Variants in ETV4 observed in about 807,000 individuals in gnomAD.
ETV4 encodes the protein ETS translocation variant 4.
In ETV4, 42 loss-of-function variants were observed where a neutral mutation model predicts 65.9. The ratio of observed to expected loss-of-function variants is 0.64; its 90% CI spans 0.50 to 0.82. The LOEUF (loss-of-function observed/expected upper bound fraction) is 0.82, where lower values mean the gene tolerates loss of function less well. Ranked by LOEUF, ETV4 falls within the 40% of genes least tolerant of loss-of-function variation. ETV4 has a pLI of 0.00. For missense variants in ETV4, 583 were observed against 630.3 expected, an observed-to-expected ratio of 0.92 and a Z score of 0.80; for synonymous variants, 238 against 260.0, an observed-to-expected ratio of 0.92 and a Z score of 0.81.
Position 43,528,253 on chromosome 17 carries a change from T to C in ETV4, c.*266A>G. ...GGAAAAGGTGTGGGGGGCTTGGACCTAGGAAGAAGCTGAGCTGAATTCCTC... is the reference window on the plus strand; with the variant it reads ...GGAAAAGGTGTGGGGGGCTTGGACCCAGGAAGAAGCTGAGCTGAATTCCTC... On this transcript the variant is annotated 3_prime_UTR_variant, in exon 13 of 13. Transcript: ENST00000319349. The C allele has an allele frequency of 2.5e-6, 1 of 400,612 alleles. No homozygotes were observed. The highest frequency in any genetic ancestry group is 4.5e-6 in the Non-Finnish European group (1 of 224,220). The allele number at this position is 400,612 out of a possible 1,614,324, so 24.8% of individuals were successfully genotyped here. A position where few individuals can be genotyped will look rare whatever the true frequency, so the allele number is the denominator to read the frequency against.
chr17:43,530,508 G>T (rs1004529217), intron 8 of ETV4: 2 of 1,121,328 alleles, frequency 1.8e-6, no homozygotes, highest in Non-Finnish European at 1.2e-6. Flanking sequence ...AGGGTGAGAT[G>T]AACGTCCGGG....
chr17:43,544,072 T>G (rs977701599), intron 4 of ETV4: 1 of 152,208 alleles, frequency 6.6e-6, no homozygotes, highest in Non-Finnish European at 1.5e-5. Context: ...TTCTTCATTT[T>G]CATAGTGTTA....
chr17:43,528,138 G>GTGA lies in ETV4; in HGVS notation c.*378_*380dup. On this transcript the variant is annotated 3_prime_UTR_variant, in exon 13 of 13. Coordinates refer to ENST00000319349, the MANE Select transcript of ETV4 (RefSeq NM_001079675.5). ...CGCAGTGGGAGATCTGGGGAGCTCA[G>GTGA]TGAACCTCCTCACCCTCCTGCCAGT... The GTGA allele has an allele frequency of 4.1e-6, 1 of 242,888 alleles. No individual in the cohort carries two copies. Among genetic ancestry groups the GTGA allele is most frequent in the East Asian group, 6.0e-5 (1 of 16,792 alleles). 15.0% of individuals were successfully genotyped at this position (242,888 alleles called of 1,614,324 possible).
At chr17:43,539,515 T>G (rs1971412302) in intron 4 of ETV4, among the ~76,000 whole-genome samples, 1 of 152,256 alleles carries the variant, frequency 6.6e-6, no homozygotes. Flanking sequence ...CACCAGGAAG[T>G]TAAGCTCTGT....
intron 11 of ETV4, 37 bp downstream of exon 11, chr17:43,529,467 T>G: frequency 6.3e-7 from 1 of 1,578,442 alleles, no homozygotes; most frequent in Non-Finnish European, 8.6e-7. Context: ...GGCTGTAAAC[T>G]TTGGAAAGGA....
At position 43,535,466 on chromosome 17, in the gene ETV4, G is replaced by A. The variant is rs116754427; in HGVS notation, c.256+960C>T. ...CTAATTTTTGTATTTTAGTAAAGAC[G>A]GAATTTCATCATGTTGGCCAGGTTG... On this transcript the variant is annotated intron_variant, in intron 5 of 12. Transcript: ENST00000319349. Among the ~76,000 whole-genome samples the A allele has an allele frequency of 4.9e-3, 752 of 152,104 alleles. 8 individuals carry two copies. The highest frequency in any genetic ancestry group is 0.015 in the African/African-American group (633 of 41,494).
Position 43,532,819 on chromosome 17 carries a change from C to G in ETV4, c.666G>C (p.Gln222His). ...QLSEPCPPYP[Q>H]QSFKQEYHDP... ...CATGGTATTCTTGCTTAAAGCTCTG[C>G]TGGGGATAGGGTGGGCAGGGCTCCG... The change falls in exon 8 of 13, where the codon CAG becomes CAC. Residue 222 changes from glutamine (Q) to histidine (H), a missense_variant. Gln to His is a conservative substitution (Grantham distance 24). Coordinates refer to ENST00000319349, the MANE Select transcript of ETV4 (RefSeq NM_001079675.5). The G allele has an allele frequency of 6.2e-7, 1 of 1,613,950 alleles. No homozygotes were observed. The highest frequency in any genetic ancestry group is 8.5e-7 in the Non-Finnish European group (1 of 1,179,964).
intron 4 of ETV4, among the ~76,000 whole-genome samples, chr17:43,537,388 AT>A (rs1567712851): frequency 6.6e-6 from 1 of 151,266 alleles, no homozygotes; most frequent in African/African-American, 2.4e-5. Flanking sequence ...AAATTAAATA[AT>A]AAATAAAATC....
rs2154587111 is a variant in ETV4, at chr17:43,533,236, A to G, written c.496T>C (p.Ser166Pro). 3 of 1,613,946 alleles carry G rather than the reference A, an allele frequency of 1.9e-6. No individual in the cohort carries two copies. The East Asian group carries it at 6.7e-5, about 36-fold the overall frequency. The part of the protein sequence containing the change: ...RAEQRNFLRS[S>P]GTSQPHPGHG... The stretch of plus-strand genomic sequence containing the variant: ...CCAGGGTGGGGCTGGGAGGTGCCAG[A>G]GGATCTCAGGAAATTCCGTTGCTCT... The change falls in exon 7 of 13, where the codon TCT (serine) becomes CCT (proline). Residue 166 changes from serine to proline, a missense_variant. Transcript: ENST00000319349.
chr17:43,533,335 G>T lies in ETV4; in HGVS notation c.397C>A (p.Pro133Thr). The change falls in exon 7 of 13, where the codon CCC becomes ACC. Residue 133 changes from proline to threonine, a missense_variant. Transcript: ENST00000319349. ...GGGGACTTGATGGCGATTTGTCTGG[G>T]GGGGTCATAGGCACTGGAGTTGAGA... ...QCLYSSAYDP[P>T]RQIAIKSPAP... 6.2e-7 allele frequency: 1 copy of T among 1,613,496 alleles called. No homozygotes were observed. The highest frequency in any genetic ancestry group is 8.5e-7 in the Non-Finnish European group (1 of 1,179,558).
chr17:43,539,316 C>T (rs1284657622), intron 4 of ETV4, among the ~76,000 whole-genome samples: 2 of 152,082 alleles, frequency 1.3e-5, no homozygotes, highest in African/African-American at 2.4e-5. Flanking sequence ...TTGCCTTTTT[C>T]TTTTTTTCCT....
intron 2 of ETV4, 83 bp downstream of exon 2, chr17:43,545,475 T>G (rs1598224868): frequency 1.0e-6 from 1 of 995,968 alleles, no homozygotes; most frequent in Non-Finnish European, 1.3e-6. Flanking sequence ...AGGACTCCGC[T>G]GGGACTGCGG....
intron 4 of ETV4, 184 bp downstream of exon 4, chr17:43,544,791 A>AT (rs1971715053): frequency 5.1e-6 from 3 of 592,778 alleles, no homozygotes; most frequent in Non-Finnish European, 9.2e-6. Context: ...AAATATCAAT[A>AT]TAAGTGTCCA....
chr17:43,528,940 T>C (rs1261364498), intron 12 of ETV4, among the ~76,000 whole-genome samples, 195 bp downstream of exon 12: 2 of 152,180 alleles, frequency 1.3e-5, no homozygotes, highest in East Asian at 3.9e-4. Flanking sequence ...TCTCCATGCT[T>C]GGGCTTCTCA....
At position 43,545,093 on chromosome 17, in the gene ETV4, C is replaced by G. The variant is rs543518931; in HGVS notation, c.155-71G>C. 6 of 1,495,078 alleles carry G rather than the reference C, an allele frequency of 4.0e-6. No individual in the cohort carries two copies. In the East Asian group the frequency reaches 6.8e-5, roughly 17 times the overall value. 92.6% of individuals were successfully genotyped at this position (1,495,078 alleles called of 1,614,324 possible). ...AAGAGAGAAGGGGCCCTAGCAAGAC[C>G]CGGTGACTCCCCTGCCTTGGGAGTA... On this transcript the variant is annotated intron_variant, in intron 3 of 12. Coordinates refer to ENST00000319349, the MANE Select transcript of ETV4 (RefSeq NM_001079675.5).
chr17:43,544,293 A>C (rs747711581), intron 4 of ETV4: 3 of 153,204 alleles, frequency 2.0e-5, no homozygotes, highest in Non-Finnish European at 4.4e-5. Flanking sequence ...GCCAGCTCAC[A>C]GCTAACTCCC....
At chr17:43,541,092 C>T (rs756391160) in intron 4 of ETV4, among the ~76,000 whole-genome samples, 1 of 152,132 alleles carries the variant, frequency 6.6e-6, no homozygotes. Flanking sequence ...GAGGAGGCTT[C>T]CTCCAGCACA....
At position 43,536,497 on chromosome 17, in the gene ETV4, A is replaced by G. The variant is rs1419056566; in HGVS notation, c.203-18T>C. 1 of 1,614,042 alleles carries G rather than the reference A, an allele frequency of 6.2e-7. No homozygotes were observed. Among genetic ancestry groups the G allele is most frequent in the East Asian group, 2.2e-5 (1 of 44,886 alleles). ...TACCTGAGCTGCAGAGAGAAGTCAG[A>G]GGTGAGTTTGGGGCGGAGCCCTGGT... On this transcript the variant is annotated intron_variant, in intron 4 of 12. Transcript: ENST00000319349.
At chr17:43,543,864 A>G (rs1202349685) in intron 4 of ETV4, 1 of 152,210 alleles carries the variant, frequency 6.6e-6, no homozygotes, top group African/African-American at 2.4e-5. Flanking sequence ...AGAATATCAT[A>G]GTGGGCAAGA....
Sources: allele counts gnomAD v4.1 joint callset (sites outside exome capture counted in the v4.1 genomes callset), GRCh38; gene constraint gnomAD v4.1.1; transcripts MANE v1.5; gene names NCBI Gene and HGNC (gene_info 2026-07-23, HGNC 2026-07-21).